PPARGC1A: variants seen among roughly 807,000 people sequenced by gnomAD.
PPARGC1A encodes the protein PPARG coactivator 1 alpha.
PPARGC1A carries 25 observed loss-of-function variants against 88.7 expected under a neutral mutation model. The ratio of observed to expected loss-of-function variants is 0.28; its 90% CI spans 0.21 to 0.39. The LOEUF is 0.39. PPARGC1A is among the 10% of genes least tolerant of loss of function. The pLI is 1.00. For missense variants in PPARGC1A, 880 were observed against 968.7 expected, an observed-to-expected ratio of 0.91 and a Z score of 1.22; for synonymous variants, 363 against 355.6, an observed-to-expected ratio of 1.02 and a Z score of -0.24.
At chr4:24,410,915 T>G in the PPARGC1A span, among the ~76,000 whole-genome samples, 1 of 152,204 alleles carries the variant, frequency 6.6e-6, no homozygotes, top group African/African-American at 2.4e-5. Flanking sequence ...GATCCACCAC[T>G]GGCTTCCTTG....
the PPARGC1A span, among the ~76,000 whole-genome samples, chr4:24,382,573 G>T: frequency 7.9e-5 from 12 of 152,322 alleles, no homozygotes; most frequent in African/African-American, 2.9e-4. Flanking sequence ...TGACTCATCT[G>T]TAGGCTCGGA....
chr4:24,193,835 G>C, the PPARGC1A span, among the ~76,000 whole-genome samples: 3 of 152,076 alleles, frequency 2.0e-5, no homozygotes, highest in Non-Finnish European at 4.4e-5. Context: ...GTGCTCAAGA[G>C]TACACCAATG....
chr4:23,994,827 G>A, the PPARGC1A span, among the ~76,000 whole-genome samples: 2 of 152,142 alleles, frequency 1.3e-5, no homozygotes, highest in African/African-American at 2.4e-5. Flanking sequence ...ACCAAATGAT[G>A]TTGATCATTG....
the PPARGC1A span, among the ~76,000 whole-genome samples, chr4:24,171,947 C>T: frequency 2.6e-5 from 4 of 152,254 alleles, no homozygotes; most frequent in African/African-American, 9.6e-5. Flanking sequence ...TTATCTCTGT[C>T]CCCCTCTTTT....
Position 23,889,044 on chromosome 4 carries a change from C to T in PPARGC1A, c.54+860G>A, listed in dbSNP as rs574086251. On this transcript the variant is annotated intron_variant, in intron 1 of 12. Coordinates refer to ENST00000264867, the MANE Select transcript of PPARGC1A (RefSeq NM_013261.5). The stretch of plus-strand genomic sequence containing the variant: ...AACACGCCGAGGTCCTCCGTCCCCC[C>T]ACTAGACTCCAGAGATTACGAGGAA... 1.3e-5 allele frequency: 13 copies of T among 985,276 alleles called. No individual in the cohort carries two copies. The African/African-American group carries it at 1.4e-4, about 11-fold the overall frequency. The allele number at this position is 985,276 out of a possible 1,614,324, so 61.0% of individuals were successfully genotyped here. A position where few individuals can be genotyped will look rare whatever the true frequency, so the allele number is the denominator to read the frequency against.
the PPARGC1A span, among the ~76,000 whole-genome samples, chr4:24,135,834 C>T: frequency 6.6e-6 from 1 of 152,100 alleles, no homozygotes; most frequent in Admixed American, 6.5e-5. Flanking sequence ...TTAATATATA[C>T]TCTGGGGGGG....
chr4:24,115,051 C>T, the PPARGC1A span, among the ~76,000 whole-genome samples: 29 of 152,238 alleles, frequency 1.9e-4, no homozygotes, highest in East Asian at 5.6e-3. Flanking sequence ...CCCGGTAATG[C>T]ATTTTTGAAT....
chr4:24,244,985 A>G, the PPARGC1A span, among the ~76,000 whole-genome samples: 2 of 152,222 alleles, frequency 1.3e-5, no homozygotes, highest in African/African-American at 4.8e-5. Flanking sequence ...AATGGAGAAA[A>G]AAAGAAGGAT....
chr4:24,141,345 T>C, the PPARGC1A span, among the ~76,000 whole-genome samples: 5 of 152,220 alleles, frequency 3.3e-5, no homozygotes, highest in African/African-American at 1.2e-4. Flanking sequence ...TAGTAGCAGC[T>C]ACACAGTGGA....
the PPARGC1A span, among the ~76,000 whole-genome samples, chr4:24,037,344 A>AATG: frequency 6.6e-6 from 1 of 152,194 alleles, no homozygotes; most frequent in African/African-American, 2.4e-5. Flanking sequence ...TTCAGAGAAA[A>AATG]ATGATGAAGG....
chr4:24,173,671 T>C, the PPARGC1A span, among the ~76,000 whole-genome samples: 10 of 152,214 alleles, frequency 6.6e-5, no homozygotes, highest in African/African-American at 2.2e-4. Flanking sequence ...TACAGCACAA[T>C]GGTTGGAACT....
the PPARGC1A span, among the ~76,000 whole-genome samples, chr4:24,231,120 C>T: frequency 1.3e-5 from 2 of 149,902 alleles, no homozygotes; most frequent in African/African-American, 4.8e-5. Context: ...CTCAGCAGTG[C>T]TTCCAAGAGA....
chr4:24,346,327 A>AT, the PPARGC1A span, among the ~76,000 whole-genome samples: 1 of 152,036 alleles, frequency 6.6e-6, no homozygotes, highest in African/African-American at 2.4e-5. Context: ...TTCTTTCTCT[A>AT]TCTTGTGGAA....
At chr4:24,452,279 A>G in the PPARGC1A span, among the ~76,000 whole-genome samples, 1 of 150,390 alleles carries the variant, frequency 6.6e-6, no homozygotes, top group Non-Finnish European at 1.5e-5. Flanking sequence ...ACACACACAC[A>G]CACGCACACA....
chr4:24,387,280 A>C, the PPARGC1A span, among the ~76,000 whole-genome samples: 29 of 152,366 alleles, frequency 1.9e-4, no homozygotes, highest in South Asian at 8.3e-4. Context: ...ACCTAAAACC[A>C]TAAAAAACCC....
chr4:24,470,093 G>A, the PPARGC1A span, among the ~76,000 whole-genome samples: 1 of 152,124 alleles, frequency 6.6e-6, no homozygotes, highest in Non-Finnish European at 1.5e-5. The surrounding 1 kb of genome is among the most constrained non-coding windows in gnomAD (Gnocchi z 5.8). Flanking sequence ...CCGGGGTGCA[G>A]GTCGGAGGCA....
chr4:23,937,588 A>AT, the PPARGC1A span, among the ~76,000 whole-genome samples: 4 of 151,984 alleles, frequency 2.6e-5, no homozygotes, highest in South Asian at 2.1e-4. Context: ...TCCTTTCAAC[A>AT]TTTTTTTTCC....
chr4:24,017,346 A>T, the PPARGC1A span, among the ~76,000 whole-genome samples: 1 of 152,288 alleles, frequency 6.6e-6, no homozygotes, highest in South Asian at 2.1e-4. Context: ...TTAGCCTAAG[A>T]TAGTAATTCC....
At chr4:24,318,668 G>A in the PPARGC1A span, among the ~76,000 whole-genome samples, 3 of 152,160 alleles carry the variant, frequency 2.0e-5, no homozygotes, top group Non-Finnish European at 4.4e-5. Flanking sequence ...CCAGGCTATC[G>A]CCTAAATCAG....
Sources: gnomAD v4.1 joint callset for allele counts (sites outside exome capture counted in the v4.1 genomes callset) on GRCh38, gnomAD v4.1.1 for gene constraint, Gnocchi (gnomAD v3.1) non-coding constraint, MANE v1.5 for transcripts, NCBI Gene and HGNC (gene_info 2026-07-23, HGNC 2026-07-21) for gene names.